Variants in SUCLG2 observed in about 807,000 individuals in gnomAD.
SUCLG2 encodes succinate-CoA ligase GDP-forming subunit beta.
A neutral mutation model predicts 47.9 loss-of-function variants in SUCLG2; 42 were observed. The observed-to-expected ratio is 0.88, with a 90% CI of 0.69 to 1.14. SUCLG2 has a LOEUF of 1.14. SUCLG2 is among the 50% of genes most tolerant of loss of function. The pLI, the probability that SUCLG2 is intolerant of heterozygous loss-of-function variation, is 0.00. For missense variants in SUCLG2, 571 were observed against 525.9 expected (o/e 1.09, Z -0.84); for synonymous variants, 195 against 197.3 (o/e 0.99, Z 0.10).
chr3:67,404,814 G>A (rs755430335), intron 9 of SUCLG2, among the ~76,000 whole-genome samples: 2 of 152,034 alleles, frequency 1.3e-5, no homozygotes, highest in African/African-American at 4.8e-5. Context: ...TGAAAGCCTC[G>A]TGACATCATT....
intron 9 of SUCLG2, among the ~76,000 whole-genome samples, chr3:67,461,048 T>TC (rs1206675074): frequency 6.6e-6 from 1 of 152,198 alleles, no homozygotes; most frequent in Non-Finnish European, 1.5e-5. Flanking sequence ...CCCAAGACAT[T>TC]CATGAGTCGT....
chr3:67,464,148 G>A (rs767177585), intron 9 of SUCLG2, among the ~76,000 whole-genome samples: 10 of 152,132 alleles, frequency 6.6e-5, no homozygotes, highest in Non-Finnish European at 1.5e-4. Context: ...TGAAAGTGAC[G>A]GTTTTCTAAT....
intron 10 of SUCLG2, among the ~76,000 whole-genome samples, chr3:67,362,438 T>C (rs907596792): frequency 6.6e-6 from 1 of 152,216 alleles, no homozygotes; most frequent in Admixed American, 6.5e-5. Context: ...AAAATTGCAA[T>C]ATATTTTCAT....
At chr3:67,479,246 A>G (rs992442458) in intron 9 of SUCLG2, among the ~76,000 whole-genome samples, 1 of 152,178 alleles carries the variant, frequency 6.6e-6, no homozygotes, top group Non-Finnish European at 1.5e-5. Flanking sequence ...TTCTCTGACC[A>G]CAGAGTAATC....
chr3:67,508,826 A>G lies in SUCLG2; in HGVS notation c.738T>C (p.Gly246=). ...DATQVEVNPF[G]ETPEGQVVCF... Reference sequence around the variant, plus strand: ...TTTTACCTTGTCCTTCTGGAGTTTCACCAAAGGGATTCACTTCCACCTGAG... The same window carrying G: ...TTTTACCTTGTCCTTCTGGAGTTTCGCCAAAGGGATTCACTTCCACCTGAG... Residue 246 remains glycine (G), a synonymous_variant, in exon 7 of 11, where the codon GGT becomes GGC. Transcript: ENST00000307227. 6.2e-7 allele frequency: 1 copy of G among 1,605,078 alleles called. No homozygotes were observed. Among genetic ancestry groups the G allele is most frequent in the Non-Finnish European group, 8.5e-7 (1 of 1,177,010 alleles).
intron 9 of SUCLG2, among the ~76,000 whole-genome samples, chr3:67,483,555 TCA>T (rs1704973887): frequency 6.6e-6 from 1 of 152,238 alleles, no homozygotes; most frequent in Non-Finnish European, 1.5e-5. Flanking sequence ...TACTAGTTAC[TCA>T]CCAGTGTAAA....
intron 9 of SUCLG2, among the ~76,000 whole-genome samples, chr3:67,463,455 C>T (rs9880899): frequency 0.11 from 17,071 of 152,192 alleles, 1,519 homozygotes; most frequent in African/African-American, 0.25. Flanking sequence ...CACAGAGAAT[C>T]ATTTTCTTTC....
intron 1 of SUCLG2, among the ~76,000 whole-genome samples, chr3:67,629,225 T>C (rs1377944656): frequency 6.6e-6 from 1 of 152,180 alleles, no homozygotes; most frequent in African/African-American, 2.4e-5. Flanking sequence ...CAACTGGTTG[T>C]CCAAAAATTC....
At chr3:67,369,528 T>G (rs1252265664) in intron 10 of SUCLG2, among the ~76,000 whole-genome samples, 3 of 152,224 alleles carry the variant, frequency 2.0e-5, no homozygotes, top group Non-Finnish European at 4.4e-5. Flanking sequence ...AATACTTTCC[T>G]GAGGCTGTGT....
At chr3:67,362,812 C>T (rs569210227) in intron 10 of SUCLG2, among the ~76,000 whole-genome samples, 2 of 152,244 alleles carry the variant, frequency 1.3e-5, no homozygotes, top group East Asian at 3.9e-4. Flanking sequence ...GAGAGGTACA[C>T]AAATAAGCCC....
intron 7 of SUCLG2, among the ~76,000 whole-genome samples, chr3:67,504,180 G>C (rs1705576539): frequency 6.7e-6 from 1 of 148,812 alleles, no homozygotes; most frequent in Non-Finnish European, 1.5e-5. Context: ...AAATATTGAT[G>C]TTCTGAGAGT....
At chr3:67,456,796 T>G (rs1704196906) in intron 9 of SUCLG2, among the ~76,000 whole-genome samples, 1 of 152,140 alleles carries the variant, frequency 6.6e-6, no homozygotes. Context: ...GATATTCAGC[T>G]CTGAATATTT....
At chr3:67,520,166 G>A (rs1268929030) in intron 5 of SUCLG2, among the ~76,000 whole-genome samples, 1 of 152,094 alleles carries the variant, frequency 6.6e-6, no homozygotes, top group African/African-American at 2.4e-5. Flanking sequence ...CATAAGAAAT[G>A]AAAATATAGC....
chr3:67,613,428 A>T (rs1700567898), intron 1 of SUCLG2, among the ~76,000 whole-genome samples: 1 of 152,186 alleles, frequency 6.6e-6, no homozygotes, highest in African/African-American at 2.4e-5. Context: ...TCAATTAACT[A>T]GTTCCAGCCA....
At chr3:67,654,197 T>TA (rs550309048) in intron 1 of SUCLG2, among the ~76,000 whole-genome samples, 67 of 152,372 alleles carry the variant, frequency 4.4e-4, no homozygotes, top group African/African-American at 1.5e-3. Flanking sequence ...AAACTTTTCT[T>TA]AAACTTGCGT....
chr3:67,524,817 G>C (rs1396418471), intron 4 of SUCLG2, among the ~76,000 whole-genome samples: 1 of 148,926 alleles, frequency 6.7e-6, no homozygotes, highest in Non-Finnish European at 1.5e-5. Context: ...GCGTATGGTA[G>C]TGAGTCTCCT....
In SUCLG2 at chr3:67,609,516, TCTCA is replaced by T. The variant is rs745713374; in HGVS notation, c.161_164del (p.Val54GlufsTer7). 6.2e-7 allele frequency: 1 copy of T among 1,613,836 alleles called. No individual in the cohort carries two copies. Among genetic ancestry groups the T allele is most frequent in the Admixed American group, 1.7e-5 (1 of 60,006 alleles). ...TGTCTGCTACAAAGAATCTTTGAAC[TCTCA>T]CTCCGTTGTCAGACATCAGTTTCTT... On this transcript the variant is annotated frameshift_variant, in exon 2 of 11. Coordinates refer to ENST00000307227, the MANE Select transcript of SUCLG2 (RefSeq NM_003848.4). LOFTEE classifies it high-confidence loss of function.
chr3:67,594,792 G>C (rs1158026516), intron 2 of SUCLG2, among the ~76,000 whole-genome samples: 2 of 152,196 alleles, frequency 1.3e-5, no homozygotes, highest in African/African-American at 4.8e-5. Flanking sequence ...AAATCAGTAA[G>C]ATAGTAAAGC....
intron 2 of SUCLG2, among the ~76,000 whole-genome samples, chr3:67,545,915 C>T (rs1170956938): frequency 1.3e-5 from 2 of 152,218 alleles, no homozygotes; most frequent in African/African-American, 4.8e-5. Flanking sequence ...CAGAACCACT[C>T]CCAAATAAGA....
Sources: allele counts gnomAD v4.1 joint callset (sites outside exome capture counted in the v4.1 genomes callset), GRCh38; gene constraint gnomAD v4.1.1; transcripts MANE v1.5; gene names NCBI Gene and HGNC (gene_info 2026-07-23, HGNC 2026-07-21).